The following CNTNAP3 variants were observed in gnomAD, a reference collection of about 807,000 sequenced individuals.
The protein encoded by CNTNAP3 is contactin associated protein family member 3.
CNTNAP3 carries 36 observed loss-of-function variants against 92.1 expected under a neutral mutation model. The ratio of observed to expected loss-of-function variants is 0.39; its 90% CI spans 0.30 to 0.52. The LOEUF is 0.52. Ranked by LOEUF, CNTNAP3 falls within the 20% of genes least tolerant of loss-of-function variation. The pLI, the probability that CNTNAP3 is intolerant of heterozygous loss-of-function variation, is 0.76. For missense variants in CNTNAP3, 534 were observed against 1,069.6 expected (o/e 0.50, Z 6.98); for synonymous variants, 232 against 422.3 (o/e 0.55, Z 5.53).
Position 39,118,252 on chromosome 9 carries a change from G to C in CNTNAP3, c.2088C>G (p.Thr696=). The change falls in exon 14 of 24, where the codon ACC becomes ACG. Residue 696 remains threonine, a synonymous_variant. Transcript: ENST00000297668. ...TTCTTCCAACCCACCAGCTCAGTGG[G>C]GTTCCATCTGAAAGACAAGTATAAG... ...TARRPDSRDG[T]PLSWWVGRTN... is the part of the protein sequence containing the mutation. 1.2e-6 allele frequency: 2 copies of C among 1,612,642 alleles called. No individual in the cohort carries two copies. Among genetic ancestry groups the C allele is most frequent in the South Asian group, 1.1e-5 (1 of 90,850 alleles).
At chr9:39,093,671 C>T (rs4062929) in intron 18 of CNTNAP3, among the ~76,000 whole-genome samples, 2 of 151,456 alleles carry the variant, frequency 1.3e-5, no homozygotes, top group African/African-American at 2.4e-5. Flanking sequence ...TCTTCTATGT[C>T]AATTAATGTT....
chr9:39,118,275 A>C lies in CNTNAP3; in HGVS notation c.2081-16T>G, dbSNP rs780327634. On this transcript the variant is annotated splice_polypyrimidine_tract_variant and intron_variant, in intron 13 of 23. Coordinates refer to ENST00000297668, the MANE Select transcript of CNTNAP3 (RefSeq NM_033655.5). The stretch of plus-strand genomic sequence containing the variant: ...GGGGTTCCATCTGAAAGACAAGTAT[A>C]AGAAACATGACATCTACTTTGTCCC... The C allele has an allele frequency of 6.2e-7, 1 of 1,613,118 alleles. No homozygotes were observed. The highest frequency in any genetic ancestry group is 1.7e-5 in the Admixed American group (1 of 59,942).
At chr9:39,134,217 C>A (rs370036894) in intron 12 of CNTNAP3, among the ~76,000 whole-genome samples, 3 of 151,932 alleles carry the variant, frequency 2.0e-5, no homozygotes, top group African/African-American at 7.3e-5. Flanking sequence ...GTCACAGAAC[C>A]CATGGAGAGG....
At chr9:39,147,804 A>G (rs1223015623) in intron 10 of CNTNAP3, among the ~76,000 whole-genome samples, 1 of 152,214 alleles carries the variant, frequency 6.6e-6, no homozygotes, top group African/African-American at 2.4e-5. Flanking sequence ...ATAGTTTTGT[A>G]CTTTAGGAGC....
chr9:39,074,958 CG>C (rs1360062815), intron 23 of CNTNAP3, among the ~76,000 whole-genome samples: 7 of 152,170 alleles, frequency 4.6e-5, no homozygotes, highest in African/African-American at 1.7e-4. Context: ...TTAGTAGAGA[CG>C]GGGTTTCACC....
chr9:39,093,173 TTTTGA>T (rs1406079282), intron 18 of CNTNAP3, among the ~76,000 whole-genome samples: 1 of 120,738 alleles, frequency 8.3e-6, no homozygotes, highest in Non-Finnish European at 1.8e-5. Flanking sequence ...AATATTTGTC[TTTTGA>T]TTGGGTTGCT....
chr9:39,086,575 A>G (rs961008683), intron 20 of CNTNAP3, 141 bp downstream of exon 20: 1 of 1,072,622 alleles, frequency 9.3e-7, no homozygotes, highest in South Asian at 1.9e-5. Context: ...GATCCTGGCC[A>G]TATTTGGCTT....
In CNTNAP3 at chr9:39,133,009, G is replaced by C. The variant is rs776427520; in HGVS notation, c.2003C>G (p.Ser668Cys). ...AYAAGAGQLR[S>C]AVNLAERCEQ... The stretch of plus-strand genomic sequence containing the variant: ...GCAGCGCTCCGCCAGGTTCACCGCG[G>C]ACCGCAGCTGCCCCGCGCCCGCTGC... Residue 668 changes from serine (S) to cysteine (C), a missense_variant, in exon 13 of 24, where the codon TCC becomes TGC. Ser to Cys is a moderately radical substitution (Grantham distance 112). Coordinates refer to ENST00000297668, the MANE Select transcript of CNTNAP3 (RefSeq NM_033655.5). The C allele has an allele frequency of 4.5e-6, 7 of 1,539,470 alleles. No individual in the cohort carries two copies. In the African/African-American group the frequency reaches 6.9e-5, roughly 15 times the overall value.
chr9:39,131,328 G>A (rs1256250548), intron 13 of CNTNAP3, among the ~76,000 whole-genome samples: 3 of 152,310 alleles, frequency 2.0e-5, no homozygotes, highest in South Asian at 2.1e-4. Flanking sequence ...AGGAAACAAA[G>A]TCTGAGAAAG....
In CNTNAP3 at chr9:39,123,192, T is replaced by C. The variant is rs572975808; in HGVS notation, c.2081-4933A>G. 7.3e-5 allele frequency among the ~76,000 whole-genome samples: 11 copies of C among 151,372 alleles called. No individual in the cohort carries two copies. The South Asian group carries it at 2.3e-3, about 32-fold the overall frequency. ...TCACTGCAAGCTCCGCCTCCTGGGT[T>C]CATGCCATTCTCCTGCCTCAGCCTC... On this transcript the variant is annotated intron_variant, in intron 13 of 23. Transcript: ENST00000297668.
chr9:39,260,737 AAAAAAAAAAAAAAAC>A lies in CNTNAP3; in HGVS notation c.196+6144_196+6158del, dbSNP rs1477427861. ...GACTCTGTCTCCAAAAAAAAAAAAA[AAAAAAAAAAAAAAAC>A]CCAACAGCAAAAAAAACAGATAACT... On this transcript the variant is annotated intron_variant, in intron 2 of 23. Transcript: ENST00000297668. 4.4e-3 allele frequency among the ~76,000 whole-genome samples: 5 copies of A among 1,124 alleles called. 2 individuals carry two copies. The Non-Finnish European group carries it at 0.31, about 70-fold the overall frequency. The allele number at this position is 1,124 out of a possible 152,430, so 0.7% of individuals were successfully genotyped here.
At chr9:39,105,187 G>A (rs1293256242) in intron 15 of CNTNAP3, among the ~76,000 whole-genome samples, 1 of 152,126 alleles carries the variant, frequency 6.6e-6, no homozygotes. Flanking sequence ...CAGCACTTTG[G>A]GAGGCCAAGG....
At chr9:39,109,331 A>G (rs1826686544) in intron 14 of CNTNAP3, 44 bp from the exon 15 acceptor site, 1 of 1,605,700 alleles carries the variant, frequency 6.2e-7, no homozygotes, top group South Asian at 1.1e-5. Flanking sequence ...TCTGATTAAC[A>G]TACGGGCAAA....
intron 10 of CNTNAP3, among the ~76,000 whole-genome samples, chr9:39,148,495 G>A (rs1318979548): frequency 2.0e-5 from 3 of 150,950 alleles, no homozygotes; most frequent in African/African-American, 7.3e-5. Context: ...AAGAAGGCAG[G>A]TTTTGAAAGT....
intron 21 of CNTNAP3, among the ~76,000 whole-genome samples, chr9:39,083,403 G>T (rs1825991290): frequency 6.6e-6 from 1 of 152,126 alleles, no homozygotes; most frequent in Non-Finnish European, 1.5e-5. Context: ...GCTCACACCT[G>T]TAATCCCAGC....
chr9:39,076,001 C>T (rs539672759), intron 23 of CNTNAP3, among the ~76,000 whole-genome samples: 3,131 of 148,820 alleles, frequency 0.021, no homozygotes, highest in South Asian at 0.046. Context: ...TTCAGCCAGT[C>T]CCTATTAGAA....
chr9:39,087,201 ACT>A (rs1826079765), intron 19 of CNTNAP3, among the ~76,000 whole-genome samples: 1 of 140,188 alleles, frequency 7.1e-6, no homozygotes, highest in Admixed American at 7.1e-5. Flanking sequence ...AAATGATGAA[ACT>A]CTATGCAATA....
chr9:39,105,491 T>C (rs763519344), intron 15 of CNTNAP3, among the ~76,000 whole-genome samples: 6 of 152,182 alleles, frequency 3.9e-5, no homozygotes, highest in Non-Finnish European at 8.8e-5. Flanking sequence ...ACTAATTTAT[T>C]TGTGTATTTA....
intron 13 of CNTNAP3, among the ~76,000 whole-genome samples, chr9:39,131,964 G>A (rs1821304365): frequency 6.6e-6 from 1 of 151,532 alleles, no homozygotes; most frequent in African/African-American, 2.4e-5. Flanking sequence ...TAAAGATTTT[G>A]TATTGAAAAT....
Sources: gnomAD v4.1 joint callset for allele counts (sites outside exome capture counted in the v4.1 genomes callset) on GRCh38, gnomAD v4.1.1 for gene constraint, MANE v1.5 for transcripts, NCBI Gene and HGNC (gene_info 2026-07-23, HGNC 2026-07-21) for gene names.